GALNTL6: variants seen among roughly 807,000 people sequenced by gnomAD.
The protein encoded by GALNTL6 is polypeptide N-acetylgalactosaminyltransferase-like 6.
GALNTL6 carries 46 observed loss-of-function variants against 73.7 expected under a neutral mutation model. The ratio of observed to expected loss-of-function variants is 0.62; its 90% CI spans 0.49 to 0.80. GALNTL6 has a LOEUF of 0.80. Ranked by LOEUF, GALNTL6 falls within the 30% of genes least tolerant of loss-of-function variation. The pLI, the probability that GALNTL6 is intolerant of heterozygous loss-of-function variation, is 0.00. For missense variants in GALNTL6, 604 were observed against 755.0 expected (o/e 0.80, Z 2.34); for synonymous variants, 259 against 263.7 (o/e 0.98, Z 0.17).
chr4:171,913,816 G>GA (rs1337875936), intron 2 of GALNTL6, among the ~76,000 whole-genome samples: 1 of 151,544 alleles, frequency 6.6e-6, no homozygotes, highest in Non-Finnish European at 1.5e-5. Context: ...TATTATGTTT[G>GA]AAAAAAGTAT....
intron 2 of GALNTL6, among the ~76,000 whole-genome samples, chr4:172,061,069 T>C (rs918263871): frequency 1.3e-5 from 2 of 152,168 alleles, no homozygotes; most frequent in Admixed American, 6.5e-5. Context: ...TATTAATAAC[T>C]GGTAACAGTG....
chr4:172,179,840 T>A (rs1467832378), intron 2 of GALNTL6, among the ~76,000 whole-genome samples: 1 of 152,196 alleles, frequency 6.6e-6, no homozygotes, highest in African/African-American at 2.4e-5. Flanking sequence ...TTATCCAGTC[T>A]ATCACTGATA....
At chr4:172,569,788 A>G (rs1004481602) in intron 5 of GALNTL6, among the ~76,000 whole-genome samples, 2 of 152,188 alleles carry the variant, frequency 1.3e-5, no homozygotes, top group Admixed American at 1.3e-4. Flanking sequence ...TCAAGGAAAG[A>G]TTAGGATTGG....
chr4:172,124,483 T>C (rs1055327143), intron 2 of GALNTL6, among the ~76,000 whole-genome samples: 6 of 152,152 alleles, frequency 3.9e-5, no homozygotes, highest in African/African-American at 7.2e-5. Context: ...TGTGAAATAA[T>C]AGTATTTCTT....
At chr4:172,206,719 CCT>C (rs901803726) in intron 2 of GALNTL6, among the ~76,000 whole-genome samples, 7 of 151,464 alleles carry the variant, frequency 4.6e-5, no homozygotes, top group African/African-American at 1.5e-4. Flanking sequence ...ATGCAAAGTC[CCT>C]GAGTCTGGGA....
intron 5 of GALNTL6, among the ~76,000 whole-genome samples, chr4:172,387,462 G>A (rs1994180): frequency 1 from 152,105 of 152,248 alleles, 75,981 homozygotes; most frequent in Middle Eastern, 1. Flanking sequence ...TGAATATGCT[G>A]CTACCTCCTG....
intron 5 of GALNTL6, among the ~76,000 whole-genome samples, chr4:172,446,036 T>C (rs1235817533): frequency 6.6e-6 from 1 of 152,032 alleles, no homozygotes; most frequent in Non-Finnish European, 1.5e-5. Flanking sequence ...AAAATTTTAA[T>C]CAGGTGTGAT....
intron 2 of GALNTL6, among the ~76,000 whole-genome samples, chr4:171,856,359 C>T (rs566249913): frequency 6.6e-6 from 1 of 152,088 alleles, no homozygotes; most frequent in Admixed American, 6.5e-5. Context: ...AGGGCATCCA[C>T]CCACCTTGGC....
chr4:172,517,198 A>AT lies in GALNTL6; in HGVS notation c.553+168516dup. Among the ~76,000 whole-genome samples, 3 of 152,240 alleles carry AT rather than the reference A, an allele frequency of 2.0e-5. 1 individual carries two copies. The Middle Eastern group carries it at 0.01, about 518-fold the overall frequency. ...AAGTTATGTGTATTTTAACAATATA[A>AT]TTTTTTTGAAATTATGTAAAGAAAA... On this transcript the variant is annotated intron_variant, in intron 5 of 12. Coordinates refer to ENST00000506823, the MANE Select transcript of GALNTL6 (RefSeq NM_001034845.3).
intron 5 of GALNTL6, among the ~76,000 whole-genome samples, chr4:172,736,239 C>A (rs1477758826): frequency 6.6e-6 from 1 of 152,148 alleles, no homozygotes; most frequent in Non-Finnish European, 1.5e-5. Flanking sequence ...GTATTTCATC[C>A]CTTATCTACA....
At chr4:172,764,652 A>G (rs750651806) in intron 5 of GALNTL6, among the ~76,000 whole-genome samples, 9 of 152,188 alleles carry the variant, frequency 5.9e-5, no homozygotes, top group Non-Finnish European at 1.0e-4. Context: ...AGAAAGTATG[A>G]TGGTATCCTG....
Position 171,870,313 on chromosome 4 carries a change from C to T in GALNTL6, c.138+55595C>T, listed in dbSNP as rs774359479. 2.6e-5 allele frequency among the ~76,000 whole-genome samples: 4 copies of T among 152,236 alleles called. No individual in the cohort carries two copies. The South Asian group carries it at 8.3e-4, about 32-fold the overall frequency. On this transcript the variant is annotated intron_variant, in intron 2 of 12. Coordinates refer to ENST00000506823, the MANE Select transcript of GALNTL6 (RefSeq NM_001034845.3). The stretch of plus-strand genomic sequence containing the variant: ...GAGATAATACATCCTTCTTGAATTC[C>T]TTCTTTCTGTTTGCTGGAATGCAGA...
intron 5 of GALNTL6, among the ~76,000 whole-genome samples, chr4:172,793,526 G>A (rs990652624): frequency 4.6e-5 from 7 of 152,118 alleles, no homozygotes; most frequent in African/African-American, 1.2e-4. Flanking sequence ...AAAGCATCCC[G>A]GGACCATGGG....
At chr4:171,922,252 G>A (rs370409077) in intron 2 of GALNTL6, among the ~76,000 whole-genome samples, 16 of 152,046 alleles carry the variant, frequency 1.1e-4, no homozygotes, top group Admixed American at 2.6e-4. Context: ...AGGCTAATAC[G>A]CTGCCTTTCC....
intron 2 of GALNTL6, among the ~76,000 whole-genome samples, chr4:172,197,198 A>G (rs192431599): frequency 6.6e-6 from 1 of 152,308 alleles, no homozygotes; most frequent in African/African-American, 2.4e-5. Context: ...AATTGCTACA[A>G]AAAGAATAAA....
chr4:172,792,838 C>T (rs2110935134), intron 5 of GALNTL6, among the ~76,000 whole-genome samples: 1 of 152,198 alleles, frequency 6.6e-6, no homozygotes, highest in Admixed American at 6.5e-5. Context: ...CCCAAGACTA[C>T]ACCTTCCCTT....
At chr4:171,862,282 G>A (rs1383532738) in intron 2 of GALNTL6, among the ~76,000 whole-genome samples, 1 of 152,086 alleles carries the variant, frequency 6.6e-6, no homozygotes. Flanking sequence ...ATGAATGAAA[G>A]TAATTTGTCT....
Position 172,725,684 on chromosome 4 carries a change from A to G in GALNTL6, c.554-83677A>G, listed in dbSNP as rs533644098. ...AGAGTTTCTTGACAAATGTTTAACA[A>G]TCTTGCGTTCTGCTTTAAAGAGGTC... On this transcript the variant is annotated intron_variant, in intron 5 of 12. Coordinates refer to ENST00000506823, the MANE Select transcript of GALNTL6 (RefSeq NM_001034845.3). Among the ~76,000 whole-genome samples the G allele has an allele frequency of 1.2e-4, 18 of 152,304 alleles. No individual in the cohort carries two copies. The South Asian group carries it at 3.3e-3, about 28-fold the overall frequency.
At chr4:172,620,002 A>G (rs1738893456) in intron 5 of GALNTL6, among the ~76,000 whole-genome samples, 1 of 152,222 alleles carries the variant, frequency 6.6e-6, no homozygotes, top group Admixed American at 6.5e-5. Context: ...TGCCTCTTCA[A>G]AGCTACCTTT....
Sources: allele counts gnomAD v4.1 joint callset (sites outside exome capture counted in the v4.1 genomes callset), GRCh38; gene constraint gnomAD v4.1.1; transcripts MANE v1.5; gene names NCBI Gene and HGNC (gene_info 2026-07-23, HGNC 2026-07-21).